ZNF213: variants seen among roughly 807,000 people sequenced by gnomAD.
ZNF213 encodes zinc finger protein 213, also known as putative transcription factor CR53.
A neutral mutation model predicts 46.0 loss-of-function variants in ZNF213; 32 were observed. The ratio of observed to expected loss-of-function variants is 0.70; its 90% CI spans 0.52 to 0.93. The LOEUF is 0.93. Ranked by LOEUF, ZNF213 falls within the 40% of genes least tolerant of loss-of-function variation. ZNF213 has a pLI of 0.00. For synonymous variants in ZNF213, 297 were observed against 271.0 expected, an observed-to-expected ratio of 1.10 and a Z score of -0.94; for missense variants, 639 against 652.8, an observed-to-expected ratio of 0.98 and a Z score of 0.23.
chr16:3,137,389 G>A lies in ZNF213; in HGVS notation c.109G>A (p.Asp37Asn). 2 of 1,614,034 alleles carry A rather than the reference G, an allele frequency of 1.2e-6. No individual in the cohort carries two copies. Among genetic ancestry groups the A allele is most frequent in the Non-Finnish European group, 1.7e-6 (2 of 1,180,048 alleles). Residue 37 changes from aspartate (D) to asparagine (N), a missense_variant, in exon 2 of 6, where the codon GAT becomes AAT. Asp to Asn is a conservative substitution (Grantham distance 23, BLOSUM62 1). Coordinates refer to ENST00000396878, the MANE Select transcript of ZNF213 (RefSeq NM_004220.3). ...SWEQESAQHE[D>N]GRDSEACRQR... The stretch of plus-strand genomic sequence containing the variant: ...GGAACAGGAATCTGCCCAGCATGAG[G>A]ATGGCAGGGATTCCGAAGCCTGCCG...
chr16:3,140,660 C>T (rs762323166), intron 5 of ZNF213, 29 bp from the exon 6 acceptor site: 18 of 1,492,442 alleles, frequency 1.2e-5, no homozygotes, highest in Non-Finnish European at 1.6e-5. Context: ...CCGCGTGGGA[C>T]TGAAGAGGTC....
chr16:3,140,825 G>A lies in ZNF213; in HGVS notation c.858G>A (p.Pro286=), dbSNP rs764726274. The change falls in exon 6 of 6, where the codon CCG becomes CCA. Residue 286 remains proline, a synonymous_variant. Transcript: ENST00000396878. ...AGGCCTGGGAGAGCGAGAACCGGCC[G>A]AGGGCGGCCCTGGGCCCAGTGGTGG... ...EAEAWESENR[P]RAALGPVVGA... The A allele has an allele frequency of 5.8e-5, 93 of 1,592,376 alleles. No homozygotes were observed. Among genetic ancestry groups the A allele is most frequent in the Non-Finnish European group, 7.6e-5 (89 of 1,172,562 alleles).
chr16:3,135,841 TC>T (rs1172709623), intron 1 of ZNF213, among the ~76,000 whole-genome samples: 2 of 139,792 alleles, frequency 1.4e-5, no homozygotes, highest in Non-Finnish European at 3.1e-5. Flanking sequence ...TTCTTTTCTT[TC>T]TTTTTTTTTT....
intron 1 of ZNF213, 79 bp from the exon 2 acceptor site, chr16:3,137,087 G>A (rs1957547276): frequency 1.5e-6 from 1 of 659,864 alleles, no homozygotes. Flanking sequence ...GATGGGGACT[G>A]GATGGCTCTT....
At position 3,142,553 on chromosome 16, in the gene ZNF213, CTGG is replaced by C. The variant is rs1343766388; in HGVS notation, c.*1209_*1211del. On this transcript the variant is annotated 3_prime_UTR_variant, in exon 6 of 6. Coordinates refer to ENST00000396878, the MANE Select transcript of ZNF213 (RefSeq NM_004220.3). ...ATCACTACGTCCAGCTCCAACGGCA[CTGG>C]TGCCCCATTCCATCGGCACTAACGC... 9.7e-5 allele frequency: 16 copies of C among 164,558 alleles called. No homozygotes were observed. Among genetic ancestry groups the C allele is most frequent in the South Asian group, 2.3e-4 (2 of 8,858 alleles). The allele number at this position is 164,558 out of a possible 1,614,324, so 10.2% of individuals were successfully genotyped here.
At chr16:3,136,719 TAA>T (rs58304652) in intron 1 of ZNF213, among the ~76,000 whole-genome samples, 2,901 of 138,264 alleles carry the variant, frequency 0.021, 68 homozygotes, top group African/African-American at 0.064. Flanking sequence ...TCTCTCTCAG[TAA>T]AAAAAAAAAA....
chr16:3,138,790 C>T lies in ZNF213; in HGVS notation c.569C>T (p.Thr190Met), dbSNP rs912660666. The change falls in exon 4 of 6, where the codon ACG (threonine) becomes ATG (methionine). Residue 190 changes from threonine (T) to methionine (M), a missense_variant. Physicochemically the swap from Thr to Met is moderately conservative, Grantham distance 81 (BLOSUM62 -1). Coordinates refer to ENST00000396878, the MANE Select transcript of ZNF213 (RefSeq NM_004220.3). ...AAAGAGGGTCGTCCCGGAGAGACGA[C>T]GGACACCTGCTTTGTCTCTGGGGTC... is the stretch of plus-strand genomic sequence containing the variant. ...LLKEGRPGET[T>M]DTCFVSGVHG... The T allele has an allele frequency of 6.2e-6, 10 of 1,613,874 alleles. No homozygotes were observed. The highest frequency in any genetic ancestry group is 2.7e-5 in the African/African-American group (2 of 74,906).
Position 3,137,189 on chromosome 16 carries a change from C to T in ZNF213, c.-92C>T, listed in dbSNP as rs1735624840. 21 of 1,488,720 alleles carry T rather than the reference C, an allele frequency of 1.4e-5. No individual in the cohort carries two copies. Among genetic ancestry groups the T allele is most frequent in the Admixed American group, 2.3e-5 (1 of 43,880 alleles). The allele number at this position is 1,488,720 out of a possible 1,614,324, so 92.2% of individuals were successfully genotyped here. On this transcript the variant is annotated 5_prime_UTR_variant, in exon 2 of 6. An upstream open reading frame in the 5' UTR gains an earlier in-frame stop. Coordinates refer to ENST00000396878, the MANE Select transcript of ZNF213 (RefSeq NM_004220.3). Reference sequence around the variant, plus strand: ...AGGAGTACACATCCAGATGCCAGCCCAGCTACCACAGGGGATCCCTCTGGG... The same window carrying T: ...AGGAGTACACATCCAGATGCCAGCCTAGCTACCACAGGGGATCCCTCTGGG...
At position 3,136,439 on chromosome 16, in the gene ZNF213, C is replaced by T. The variant is rs546122127; in HGVS notation, c.-115-727C>T. Among the ~76,000 whole-genome samples the T allele has an allele frequency of 6.6e-5, 10 of 152,154 alleles. 1 individual carries two copies. The highest frequency in any genetic ancestry group is 1.9e-4 in the East Asian group (1 of 5,178). Reference sequence around the variant, plus strand: ...ATCAGTTAAAATTTTTTAATTAGGCCGGGCGCAGTGGCTCACGCCTGTAAT... The same window carrying T: ...ATCAGTTAAAATTTTTTAATTAGGCTGGGCGCAGTGGCTCACGCCTGTAAT... On this transcript the variant is annotated intron_variant, in intron 1 of 5. Transcript: ENST00000396878.
chr16:3,136,115 G>A (rs1957534108), intron 1 of ZNF213, among the ~76,000 whole-genome samples: 2 of 152,092 alleles, frequency 1.3e-5, no homozygotes, highest in South Asian at 4.1e-4. Flanking sequence ...ACAGGCATAA[G>A]CCACCAAGCC....
intron 5 of ZNF213, 50 bp downstream of exon 5, chr16:3,139,148 G>A (rs1957575818): frequency 1.9e-6 from 3 of 1,600,470 alleles, no homozygotes; most frequent in Non-Finnish European, 8.5e-7. Flanking sequence ...CGATTCTGCT[G>A]GAACTTCAGT....
At chr16:3,138,893 A>G in intron 4 of ZNF213, 75 bp downstream of exon 4, 1 of 1,613,696 alleles carries the variant, frequency 6.2e-7, no homozygotes, top group South Asian at 1.1e-5. Context: ...TTGCTGTCCC[A>G]TCAGGCCTCT....
chr16:3,139,352 G>T, intron 5 of ZNF213: 1 of 502,400 alleles, frequency 2.0e-6, no homozygotes, highest in Non-Finnish European at 3.5e-6. Context: ...ACAACCTAGT[G>T]CATGGAAGTA....
rs1436518774 is a variant in ZNF213, at chr16:3,141,921, C to T, written c.*574C>T. On this transcript the variant is annotated 3_prime_UTR_variant, in exon 6 of 6. Transcript: ENST00000396878. ...CACTCCCGTTTCCAGGCCATGACCA[C>T]TCTGCCCTGTCCTGGCCATACGGAC... 1 of 155,114 alleles carries T rather than the reference C, an allele frequency of 6.4e-6. No homozygotes were observed. Among genetic ancestry groups the T allele is most frequent in the African/African-American group, 2.4e-5 (1 of 41,482 alleles). 9.6% of individuals were successfully genotyped at this position (155,114 alleles called of 1,614,324 possible).
chr16:3,139,385 G>A (rs1321651032), intron 5 of ZNF213: 4 of 349,134 alleles, frequency 1.1e-5, no homozygotes, highest in Non-Finnish European at 2.1e-5. Flanking sequence ...TACGCATAAG[G>A]GACCTGAGAC....
chr16:3,136,631 C>T (rs913783705), intron 1 of ZNF213, among the ~76,000 whole-genome samples: 3 of 151,522 alleles, frequency 2.0e-5, no homozygotes, highest in Non-Finnish European at 2.9e-5. Context: ...GCAGGAGAAT[C>T]GCTTGAACCT....
Position 3,141,210 on chromosome 16 carries a change from T to C in ZNF213, c.1243T>C (p.Tyr415His). ...CGGCAAGAGCTTCTCGCTGCGCTCC[T>C]ACCTGCTGGACCATCGGCGTGTGCA... ...DCGKSFSLRS[Y>H]LLDHRRVHTG... Residue 415 changes from tyrosine (Y) to histidine (H), a missense_variant, in exon 6 of 6, where the codon TAC becomes CAC. Coordinates refer to ENST00000396878, the MANE Select transcript of ZNF213 (RefSeq NM_004220.3). 6.2e-7 allele frequency: 1 copy of C among 1,612,596 alleles called. No homozygotes were observed. Among genetic ancestry groups the C allele is most frequent in the Non-Finnish European group, 8.5e-7 (1 of 1,179,906 alleles).
Position 3,140,958 on chromosome 16 carries a change from G to T in ZNF213, c.991G>T (p.Asp331Tyr), listed in dbSNP as rs893911497. ...QCGKRFRWGS[D>Y]LARHQRTHTG... is the part of the protein sequence containing the mutation. ...TGGAAAGCGCTTCCGCTGGGGCTCG[G>T]ACCTGGCGCGGCACCAGCGCACGCA... The change falls in exon 6 of 6, where the codon GAC becomes TAC. Residue 331 changes from aspartate (D) to tyrosine (Y), a missense_variant. By Grantham distance (160) the Asp-to-Tyr change is radical. Transcript: ENST00000396878. The T allele has an allele frequency of 1.2e-6, 2 of 1,605,192 alleles. No individual in the cohort carries two copies. Among genetic ancestry groups the T allele is most frequent in the African/African-American group, 1.3e-5 (1 of 74,812 alleles).
chr16:3,141,007 G>A lies in ZNF213; in HGVS notation c.1040G>A (p.Cys347Tyr), dbSNP rs1161848340. The part of the protein sequence containing the change: ...RTHTGEKPHK[C>Y]PECDKSFRSS... The stretch of plus-strand genomic sequence containing the variant: ...CACACGGGCGAGAAGCCACACAAGT[G>A]CCCTGAGTGCGACAAGAGCTTCCGC... The change falls in exon 6 of 6, where the codon TGC becomes TAC. Residue 347 changes from cysteine to tyrosine, a missense_variant. Physicochemically the swap from Cys to Tyr is radical, Grantham distance 194. Coordinates refer to ENST00000396878, the MANE Select transcript of ZNF213 (RefSeq NM_004220.3). 2 of 1,612,128 alleles carry A rather than the reference G, an allele frequency of 1.2e-6. No individual in the cohort carries two copies. The highest frequency in any genetic ancestry group is 1.7e-6 in the Non-Finnish European group (2 of 1,179,668).
Sources: allele counts gnomAD v4.1 joint callset (sites outside exome capture counted in the v4.1 genomes callset), GRCh38; gene constraint gnomAD v4.1.1; transcripts MANE v1.5; gene names NCBI Gene and HGNC (gene_info 2026-07-23, HGNC 2026-07-21).